Variants in JAG1 observed in about 807,000 individuals in gnomAD.
JAG1 encodes the protein protein jagged-1.
In JAG1, 23 loss-of-function variants were observed where a neutral mutation model predicts 148.7. That is an observed-to-expected ratio of 0.15 (90% CI 0.11 to 0.22). The LOEUF is 0.22. Ranked by LOEUF, JAG1 falls within the 10% of genes least tolerant of loss-of-function variation. The probability of loss-of-function intolerance (pLI) is 1.00; values close to 1 mark genes in which losing one functional copy is unlikely to be tolerated. For synonymous variants in JAG1, 572 were observed against 598.3 expected (o/e 0.96, Z 0.64); for missense variants, 1,054 against 1,611.2 (o/e 0.65, Z 5.92).
intron 2 of JAG1, among the ~76,000 whole-genome samples, chr20:10,666,995 T>TG (rs1329691166): frequency 2.0e-5 from 3 of 152,202 alleles, no homozygotes; most frequent in African/African-American, 7.2e-5. Flanking sequence ...GCGGTTACCT[T>TG]GGCACTGGGC....
In JAG1 at chr20:10,647,829, C is replaced by G; in HGVS notation, c.1720+131G>C. On this transcript the variant is annotated intron_variant, in intron 13 of 25. Coordinates refer to ENST00000254958, the MANE Select transcript of JAG1 (RefSeq NM_000214.3). Reference sequence around the variant, plus strand: ...CACGTGTTGCGGCCCGCTACACAGGCAGGATCATTTCACTATAGAGGTCCT... The same window carrying G: ...CACGTGTTGCGGCCCGCTACACAGGGAGGATCATTTCACTATAGAGGTCCT... The G allele has an allele frequency of 4.0e-6, 4 of 1,004,070 alleles. No individual in the cohort carries two copies. The South Asian group carries it at 5.5e-5, about 14-fold the overall frequency. The allele number at this position is 1,004,070 out of a possible 1,614,324, so 62.2% of individuals were successfully genotyped here.
intron 4 of JAG1, among the ~76,000 whole-genome samples, chr20:10,657,445 T>G (rs1262106107): frequency 6.6e-6 from 1 of 152,160 alleles, no homozygotes. Context: ...AATTCCCCTT[T>G]TCATTTGAAT....
At chr20:10,659,670 C>G (rs1429481963) in intron 3 of JAG1, among the ~76,000 whole-genome samples, 2 of 150,436 alleles carry the variant, frequency 1.3e-5, no homozygotes, top group Non-Finnish European at 2.9e-5. Flanking sequence ...TTCTCCTCTG[C>G]CCAGAAGGCA....
At position 10,641,441 on chromosome 20, in the gene JAG1, A is replaced by AC; in HGVS notation, c.2916+18_2916+19insG. 1 of 1,608,360 alleles carries AC rather than the reference A, an allele frequency of 6.2e-7. No individual in the cohort carries two copies. On this transcript the variant is annotated intron_variant, in intron 23 of 25. Transcript: ENST00000254958. ...GCAGACATCCACCATTCAAAAAAAAAACAAAGGTTGTTACATACTGGTGAC... is the reference window on the plus strand; with the variant it reads ...GCAGACATCCACCATTCAAAAAAAAACACAAAGGTTGTTACATACTGGTGAC...
rs752074986 is a variant in JAG1, at chr20:10,673,022, G to A, written c.82-16C>T. The A allele has an allele frequency of 1.9e-6, 3 of 1,604,040 alleles. No individual in the cohort carries two copies. In the Admixed American group the frequency reaches 5.0e-5, roughly 27 times the overall value. On this transcript the variant is annotated splice_polypyrimidine_tract_variant and intron_variant, in intron 1 of 25. Coordinates refer to ENST00000254958, the MANE Select transcript of JAG1 (RefSeq NM_000214.3). This position sits in a 1 kb window ranked among gnomAD's most constrained non-coding sequence, Gnocchi z 4.7. ...CCCCACACACCTGCCGGCGAGGGAA[G>A]GAGGTAGGTCAGCGCGGGAGAAAGC...
chr20:10,651,488 C>T, intron 8 of JAG1, 93 bp downstream of exon 8: 1 of 806,308 alleles, frequency 1.2e-6, no homozygotes, highest in Non-Finnish European at 2.1e-6. Flanking sequence ...CTCACCGAGA[C>T]ATTCACACTG....
At position 10,658,691 on chromosome 20, in the gene JAG1, G is replaced by A. The variant is rs1459648265; in HGVS notation, c.471C>T (p.His157=). ...QPDSIIEKAS[H]SGMINPSRQW... ...GCCGGCTGGGGTTGATCATGCCCGA[G>A]TGAGAAGCCTTTTCAATAATACTGT... The change falls in exon 4 of 26, where the codon CAC becomes CAT. Residue 157 remains histidine (H), a synonymous_variant. Coordinates refer to ENST00000254958, the MANE Select transcript of JAG1 (RefSeq NM_000214.3). 1.2e-6 allele frequency: 2 copies of A among 1,614,230 alleles called. No individual in the cohort carries two copies. The highest frequency in any genetic ancestry group is 1.3e-5 in the African/African-American group (1 of 75,066).
At chr20:10,657,665 C>T (rs752814904) in intron 4 of JAG1, among the ~76,000 whole-genome samples, 1 of 152,108 alleles carries the variant, frequency 6.6e-6, no homozygotes, top group African/African-American at 2.4e-5. Context: ...GGATATTATA[C>T]AGTTAACAGA....
At position 10,639,411 on chromosome 20, in the gene JAG1, A is replaced by AT. The variant is rs1246267708; in HGVS notation, c.*86_*87insA. 1 of 1,186,742 alleles carries AT rather than the reference A, an allele frequency of 8.4e-7. No homozygotes were observed. The highest frequency in any genetic ancestry group is 1.3e-6 in the Non-Finnish European group (1 of 790,440). 73.5% of individuals were successfully genotyped at this position (1,186,742 alleles called of 1,614,324 possible). A position where few individuals can be genotyped will look rare whatever the true frequency, so the allele number is the denominator to read the frequency against. ...ATTAACACAGGGATTCTAAGTCAGC[A>AT]ACGGCCTCAGACTCGAGTATGACAC... On this transcript the variant is annotated 3_prime_UTR_variant, in exon 26 of 26. Coordinates refer to ENST00000254958, the MANE Select transcript of JAG1 (RefSeq NM_000214.3).
Position 10,639,918 on chromosome 20 carries a change from C to G in JAG1, c.3237G>C (p.Val1079=), listed in dbSNP as rs752052700. The change falls in exon 26 of 26, where the codon GTG becomes GTC. Residue 1079 remains valine (V), a synonymous_variant. Coordinates refer to ENST00000254958, the MANE Select transcript of JAG1 (RefSeq NM_000214.3). ...LVPLLSSVLT[V]AWICCLVTAF... is the part of the protein sequence containing the mutation. ...CCGTCACCAAGCAACAGATCCAAGCCACAGTTAAGACAGAGCTCAGCAAGG... is the reference window on the plus strand; with the variant it reads ...CCGTCACCAAGCAACAGATCCAAGCGACAGTTAAGACAGAGCTCAGCAAGG... 1.7e-5 allele frequency: 27 copies of G among 1,614,062 alleles called. No individual in the cohort carries two copies. Among genetic ancestry groups the G allele is most frequent in the Non-Finnish European group, 2.3e-5 (27 of 1,180,046 alleles).
chr20:10,648,697 A>G lies in JAG1; in HGVS notation c.1421T>C (p.Ile474Thr), dbSNP rs1466442428. Residue 474 changes from isoleucine (I) to threonine (T), a missense_variant, in exon 12 of 26, where the codon ATC becomes ACC. By Grantham distance (89) the Ile-to-Thr change is moderately conservative. Transcript: ENST00000254958. ...CRDLVNGYRC[I>T]CPPGYAGDHC... is the part of the protein sequence containing the mutation. ...ATCGCCTGCATAGCCAGGTGGACAG[A>G]TACAGCGATAACCATTAACCAAATC... 1 of 1,614,108 alleles carries G rather than the reference A, an allele frequency of 6.2e-7. No homozygotes were observed. Among genetic ancestry groups the G allele is most frequent in the African/African-American group, 1.3e-5 (1 of 74,934 alleles).
intron 13 of JAG1, among the ~76,000 whole-genome samples, chr20:10,647,502 G>A (rs145262323): frequency 5.1e-4 from 78 of 152,348 alleles, no homozygotes; most frequent in African/African-American, 1.8e-3. Flanking sequence ...TAATACAGCA[G>A]CCACCGGCCA....
intron 2 of JAG1, among the ~76,000 whole-genome samples, chr20:10,670,056 C>T (rs2067485354): frequency 6.6e-6 from 1 of 152,144 alleles, no homozygotes; most frequent in African/African-American, 2.4e-5. Flanking sequence ...GGGCAGGGGA[C>T]ACCACGTGGG....
intron 14 of JAG1, 99 bp downstream of exon 14, chr20:10,646,840 A>C: frequency 7.9e-7 from 1 of 1,266,794 alleles, no homozygotes; most frequent in Admixed American, 1.8e-5. Flanking sequence ...AAAAAAAAAA[A>C]ACTTTCAACA....
intron 4 of JAG1, among the ~76,000 whole-genome samples, chr20:10,656,894 AAC>A (rs1447014188): frequency 2.3e-4 from 34 of 149,216 alleles, no homozygotes; most frequent in Admixed American, 4.0e-4. Context: ...AAAAAAAAAA[AAC>A]AACCCATACC....
Position 10,672,687 on chromosome 20 carries a change from GAGT to G in JAG1, c.387+11_387+13del, listed in dbSNP as rs766593782. ...TGAGGCTCCGCCCGGCCTCCTTCCC[GAGT>G]AGTCACTCACCGGCCAGGCGAAACT... On this transcript the variant is annotated intron_variant, in intron 2 of 25. Transcript: ENST00000254958. 60 of 1,611,582 alleles carry G rather than the reference GAGT, an allele frequency of 3.7e-5. No homozygotes were observed. In the South Asian group the frequency reaches 6.2e-4, roughly 17 times the overall value.
intron 7 of JAG1, among the ~76,000 whole-genome samples, 176 bp from the exon 8 acceptor site, chr20:10,651,870 G>A (rs564306991): frequency 1.5e-4 from 23 of 152,252 alleles, no homozygotes; most frequent in Admixed American, 2.6e-4. Flanking sequence ...CATCTTTCTC[G>A]CTGAGCTGTC....
At chr20:10,669,919 C>T (rs1405394323) in intron 2 of JAG1, among the ~76,000 whole-genome samples, 1 of 152,140 alleles carries the variant, frequency 6.6e-6, no homozygotes, top group African/African-American at 2.4e-5. Context: ...AATAATGGTT[C>T]TTATCACTTG....
In JAG1 at chr20:10,639,595, T is replaced by A. The variant is rs755420729; in HGVS notation, c.3560A>T (p.Asn1187Ile). 1 of 1,614,050 alleles carries A rather than the reference T, an allele frequency of 6.2e-7. No individual in the cohort carries two copies. Among genetic ancestry groups the A allele is most frequent in the African/African-American group, 1.3e-5 (1 of 74,910 alleles). Residue 1187 changes from asparagine (N) to isoleucine (I), a missense_variant, in exon 26 of 26, where the codon AAC (asparagine) becomes ATC (isoleucine). Asn to Ile is a moderately radical substitution (Grantham distance 149). Coordinates refer to ENST00000254958, the MANE Select transcript of JAG1 (RefSeq NM_000214.3). ...GTTTGGGTGTTTTGTCGGCGTGCCG[T>A]TGGGGGGCTTCTCTTCTCTGTCTAC... ...TLVDREEKPP[N>I]GTPTKHPNWT...
Sources: allele counts gnomAD v4.1 joint callset (sites outside exome capture counted in the v4.1 genomes callset), GRCh38; gene constraint gnomAD v4.1.1; non-coding constraint Gnocchi (gnomAD v3.1); transcripts MANE v1.5; gene names NCBI Gene and HGNC (gene_info 2026-07-23, HGNC 2026-07-21).